KRT6C: variants seen among roughly 807,000 people sequenced by gnomAD.
KRT6C encodes the protein keratin 6C, also known as keratin, type II cytoskeletal 6C.
KRT6C carries 46 observed loss-of-function variants against 49.4 expected under a neutral mutation model. The observed-to-expected ratio is 0.93, with a 90% CI of 0.74 to 1.19. KRT6C has a LOEUF of 1.19. Among genes scored for constraint, KRT6C ranks in the 50% most tolerant of loss-of-function variants. KRT6C has a pLI of 0.00. For missense variants in KRT6C, 552 were observed against 737.5 expected (o/e 0.75, Z 2.91); for synonymous variants, 236 against 297.1 (o/e 0.79, Z 2.12).
intron 6 of KRT6C, 139 bp downstream of exon 6, chr12:52,470,365 TC>T (rs1357728023): frequency 2.7e-6 from 4 of 1,480,026 alleles, no homozygotes; most frequent in Non-Finnish European, 3.7e-6. Flanking sequence ...TATTGAGTTC[TC>T]ACTGAGGGCA....
chr12:52,469,437 C>T lies in KRT6C; in HGVS notation c.1433G>A (p.Gly478Asp). The T allele has an allele frequency of 8.7e-6, 14 of 1,613,914 alleles. No homozygotes were observed. The highest frequency in any genetic ancestry group is 1.2e-5 in the Non-Finnish European group (14 of 1,179,860). ...GACGTTGACTTGTCCAACGCCTTCG[C>T]CATTCAGCCTGTGGAGAGGAACACA... The part of the protein sequence containing the change: ...LLEGEECRLN[G>D]EGVGQVNVSV... Residue 478 changes from glycine to aspartate, a missense_variant, in exon 8 of 9, where the codon GGC (glycine) becomes GAC (aspartate). Physicochemically the swap from Gly to Asp is moderately conservative, Grantham distance 94. Transcript: ENST00000252250.
In KRT6C at chr12:52,472,207, G is replaced by A. The variant is rs140286012; in HGVS notation, c.614C>T (p.Thr205Ile). The change falls in exon 2 of 9, where the codon ACT (threonine) becomes ATT (isoleucine). Residue 205 changes from threonine to isoleucine, a missense_variant. This residue lies in a region of KRT6C where 54 missense variants were observed against 195.9 expected (regional missense o/e 0.28). Coordinates refer to ENST00000252250, the MANE Select transcript of KRT6C (RefSeq NM_173086.5). Reference sequence around the variant, plus strand: ...CAACGGCTCCAGGTTCTGCCTCACAGTCTTGGTGCCCTGCTCCTGCAGCAG... The same window carrying A: ...CAACGGCTCCAGGTTCTGCCTCACAATCTTGGTGCCCTGCTCCTGCAGCAG... ...WTLLQEQGTK[T>I]VRQNLEPLFE... 53 of 1,480,008 alleles carry A rather than the reference G, an allele frequency of 3.6e-5. 5 individuals carry two copies. Among genetic ancestry groups the A allele is most frequent in the Admixed American group, 1.7e-4 (10 of 57,586 alleles). The allele number at this position is 1,480,008 out of a possible 1,614,324, so 91.7% of individuals were successfully genotyped here. A position where few individuals can be genotyped will look rare whatever the true frequency, so the allele number is the denominator to read the frequency against.
chr12:52,473,541 C>G lies in KRT6C; in HGVS notation c.197G>C (p.Gly66Ala), dbSNP rs758206263. Residue 66 changes from glycine (G) to alanine (A), a missense_variant, in exon 1 of 9, where the codon GGC (glycine) becomes GCC (alanine). Gly to Ala is a moderately conservative substitution (Grantham distance 60, BLOSUM62 0). Coordinates refer to ENST00000252250, the MANE Select transcript of KRT6C (RefSeq NM_173086.5). ...FGSRSLYGLGGSKRISIGGGS... is the reference protein window; with the variant it reads ...FGSRSLYGLGASKRISIGGGS... ...CCCTCCAATGGAGATCCTCTTGGAG[C>G]CCCCCAGGCCATACAGACTGCGGCT... The G allele has an allele frequency of 6.4e-7, 1 of 1,571,820 alleles. No homozygotes were observed.
At chr12:52,470,415 T>A (rs944947481) in intron 6 of KRT6C, 90 bp downstream of exon 6, 7 of 1,609,656 alleles carry the variant, frequency 4.3e-6, no homozygotes. Flanking sequence ...TTGGTTTACG[T>A]TTCAGGAATT....
rs1937821473 is a variant in KRT6C at position 52,468,993 on chromosome 12, C to G, written c.*69G>C. ...CTAGAGGCCAGGAGAGGATAGGCAA[C>G]CTGAGGAGACGGCTCTGCAGCCAGA... is the stretch of plus-strand genomic sequence containing the variant. On this transcript the variant is annotated 3_prime_UTR_variant, in exon 9 of 9. Transcript: ENST00000252250. 1.2e-6 allele frequency: 2 copies of G among 1,606,940 alleles called. No homozygotes were observed. Among genetic ancestry groups the G allele is most frequent in the African/African-American group, 2.7e-5 (2 of 74,722 alleles).
At position 52,471,733 on chromosome 12, in the gene KRT6C, C is replaced by G. The variant is rs185887786; in HGVS notation, c.756-1G>C. 153 of 1,613,788 alleles carry G rather than the reference C, an allele frequency of 9.5e-5. No individual in the cohort carries two copies. The highest frequency in any genetic ancestry group is 3.3e-4 in the Middle Eastern group (2 of 6,056). On this transcript the variant is annotated splice_acceptor_variant, in intron 2 of 8. Transcript: ENST00000252250. LOFTEE classifies it high-confidence loss of function. ...GCGCTTGTTGATTTCATCCTCATAT[C>G]TACAGGAAGAAAGGCATAGGACACA... is the stretch of plus-strand genomic sequence containing the variant.
At position 52,469,093 on chromosome 12, in the gene KRT6C, G is replaced by A; in HGVS notation, c.1664C>T (p.Ser555Phe). ...CTTGTAGCTCTTCCTGCTGGAGGAGGAGGTGGTGGTGTACTTGATGGTGGA... is the reference window on the plus strand; with the variant it reads ...CTTGTAGCTCTTCCTGCTGGAGGAGAAGGTGGTGGTGTACTTGATGGTGGA... ...GSSTIKYTTT[S>F]SSSRKSYKH Residue 555 changes from serine to phenylalanine, a missense_variant, in exon 9 of 9, where the codon TCC (serine) becomes TTC (phenylalanine). Transcript: ENST00000252250. 6.2e-7 allele frequency: 1 copy of A among 1,614,100 alleles called. No homozygotes were observed.
At position 52,468,987 on chromosome 12, in the gene KRT6C, A is replaced by C; in HGVS notation, c.*75T>G. On this transcript the variant is annotated 3_prime_UTR_variant, in exon 9 of 9. Transcript: ENST00000252250. Reference sequence around the variant, plus strand: ...GGAAGACTAGAGGCCAGGAGAGGATAGGCAACCTGAGGAGACGGCTCTGCA... The same window carrying C: ...GGAAGACTAGAGGCCAGGAGAGGATCGGCAACCTGAGGAGACGGCTCTGCA... The C allele has an allele frequency of 6.3e-7, 1 of 1,599,008 alleles. No homozygotes were observed. The highest frequency in any genetic ancestry group is 8.6e-7 in the Non-Finnish European group (1 of 1,168,194).
At position 52,471,186 on chromosome 12, in the gene KRT6C, G is replaced by A. The variant is rs11540289; in HGVS notation, c.1023C>T (p.Tyr341=). ...CCCGGCTCCTCTGAGCAATCTCCTC[G>A]TATTGGGCCTTGACCTCAGCGATGA... ...DSIIAEVKAQ[Y]EEIAQRSRAE... Residue 341 remains tyrosine, a synonymous_variant, in exon 5 of 9, where the codon TAC becomes TAT. Transcript: ENST00000252250. 1.7e-3 allele frequency: 2,742 copies of A among 1,613,958 alleles called. 29 individuals carry two copies. The highest frequency in any genetic ancestry group is 8.5e-3 in the East Asian group (382 of 44,870).
rs1565809282 is a variant in KRT6C, at chr12:52,471,678, C to T, written c.810G>A (p.Leu270=). The T allele has an allele frequency of 5.6e-6, 9 of 1,613,172 alleles. No homozygotes were observed. The highest frequency in any genetic ancestry group is 7.6e-6 in the Non-Finnish European group (9 of 1,179,706). Reference sequence around the variant, plus strand: ...CCCGGCTTCATCTGCTCACCTTCTTCAGAGTCACAAATTCATTCTCTGCTG... The same window carrying T: ...CCCGGCTTCATCTGCTCACCTTCTTTAGAGTCACAAATTCATTCTCTGCTG... The part of the protein sequence containing the change: ...RTAAENEFVT[L]KKDVDAAYMN... Residue 270 remains leucine (L), a synonymous_variant, in exon 3 of 9, where the codon CTG becomes CTA. Transcript: ENST00000252250.
Position 52,469,675 on chromosome 12 carries a change from C to T in KRT6C, c.1419G>A (p.Glu473=). 6.2e-7 allele frequency: 1 copy of T among 1,614,220 alleles called. No individual in the cohort carries two copies. Among genetic ancestry groups the T allele is most frequent in the Non-Finnish European group, 8.5e-7 (1 of 1,180,032 alleles). The change falls in exon 7 of 9, where the codon GAG becomes GAA. Residue 473 remains glutamate, a synonymous_variant. Coordinates refer to ENST00000252250, the MANE Select transcript of KRT6C (RefSeq NM_173086.5). ...AAGTCGCGTCAGTTACCTACCTGCA[C>T]TCCTCGCCCTCCAGCAGCTTGCGGT... ...ATYRKLLEGE[E]CRLNGEGVGQ...
Position 52,473,689 on chromosome 12 carries a change from C to T in KRT6C, c.49G>A (p.Gly17Ser). ...AGCCTGGCTGAGTTGGCACTGAAAC[C>T]CCGGCGGCTGCTGCTGTGGCTCCTG... is the stretch of plus-strand genomic sequence containing the variant. ...TIRSHSSSRRGFSANSARLPG... is the reference protein window; with the variant it reads ...TIRSHSSSRRSFSANSARLPG... The change falls in exon 1 of 9, where the codon GGT becomes AGT. Residue 17 changes from glycine to serine, a missense_variant. Transcript: ENST00000252250. 6.2e-7 allele frequency: 1 copy of T among 1,613,520 alleles called. No homozygotes were observed. The highest frequency in any genetic ancestry group is 8.5e-7 in the Non-Finnish European group (1 of 1,179,980).
Position 52,468,952 on chromosome 12 carries a change from C to T in KRT6C, c.*110G>A, listed in dbSNP as rs202166218. The T allele has an allele frequency of 5.8e-6, 8 of 1,391,154 alleles. No individual in the cohort carries two copies. Among genetic ancestry groups the T allele is most frequent in the Admixed American group, 1.9e-5 (1 of 53,736 alleles). 86.2% of individuals were successfully genotyped at this position (1,391,154 alleles called of 1,614,324 possible). ...TAAGCATCCATACCCAGCTCTACCTCGGAGAGCAGGGAAGACTAGAGGCCA... is the reference window on the plus strand; with the variant it reads ...TAAGCATCCATACCCAGCTCTACCTTGGAGAGCAGGGAAGACTAGAGGCCA... On this transcript the variant is annotated 3_prime_UTR_variant, in exon 9 of 9. Transcript: ENST00000252250.
At chr12:52,470,059 G>T in intron 6 of KRT6C, 169 bp from the exon 7 acceptor site, 1 of 821,468 alleles carries the variant, frequency 1.2e-6, no homozygotes, top group Non-Finnish European at 2.0e-6. Context: ...TGGGAGTCAA[G>T]TGACAAAGTC....
chr12:52,470,234 A>C, intron 6 of KRT6C: 1 of 606,392 alleles, frequency 1.6e-6, no homozygotes, highest in Non-Finnish European at 2.9e-6. Context: ...TCTGGATGCC[A>C]CATTAAAATA....
rs761855542 is a variant in KRT6C, at chr12:52,470,523, G to A, written c.1185C>T (p.Ile395=). The A allele has an allele frequency of 9.9e-6, 16 of 1,614,032 alleles. No homozygotes were observed. The highest frequency in any genetic ancestry group is 1.3e-5 in the African/African-American group (1 of 74,972). ...ACTGTACCTGCTTCTTGACATGGTC[G>A]ATCTCAGATCTCAGCCTCTGGATCA... is the stretch of plus-strand genomic sequence containing the variant. ...NRMIQRLRSE[I]DHVKKQCASL... is the part of the protein sequence containing the mutation. Residue 395 remains isoleucine (I), a synonymous_variant, in exon 6 of 9, where the codon ATC becomes ATT. Coordinates refer to ENST00000252250, the MANE Select transcript of KRT6C (RefSeq NM_173086.5).
At chr12:52,470,086 A>G in intron 6 of KRT6C, 196 bp from the exon 7 acceptor site, 1 of 694,916 alleles carries the variant, frequency 1.4e-6, no homozygotes, top group Non-Finnish European at 2.5e-6. Flanking sequence ...CCCTTGTATT[A>G]AGCACCCGCA....
chr12:52,470,480 T>A (rs1283298968), intron 6 of KRT6C, 25 bp downstream of exon 6: 1 of 1,614,164 alleles, frequency 6.2e-7, no homozygotes, highest in South Asian at 1.1e-5. Context: ...ATGATGCTTC[T>A]TTCCTCCACT....
At position 52,473,494 on chromosome 12, in the gene KRT6C, C is replaced by T. The variant is rs750812502; in HGVS notation, c.244G>A (p.Gly82Ser). The T allele has an allele frequency of 5.0e-5, 74 of 1,473,182 alleles. No individual in the cohort carries two copies. In the African/African-American group the frequency reaches 8.8e-4, roughly 17 times the overall value. 91.3% of individuals were successfully genotyped at this position (1,473,182 alleles called of 1,614,324 possible). ...CTGCCTCCGGCTCTGCTGCCATAGC[C>T]GCCACTGATGGCACAGCTGCCCCCT... ...IGGGSCAISG[G>S]YGSRAGGSYG... Residue 82 changes from glycine (G) to serine (S), a missense_variant, in exon 1 of 9, where the codon GGC becomes AGC. Coordinates refer to ENST00000252250, the MANE Select transcript of KRT6C (RefSeq NM_173086.5).
Sources: gnomAD v4.1 joint callset for allele counts on GRCh38, gnomAD v4.1.1 for gene constraint, gnomAD v4.1.1 regional missense constraint, MANE v1.5 for transcripts, NCBI Gene and HGNC (gene_info 2026-07-23, HGNC 2026-07-21) for gene names.